PCDHA5: variants seen among roughly 807,000 people sequenced by gnomAD.
The protein encoded by PCDHA5 is protocadherin alpha 5.
A neutral mutation model predicts 61.6 loss-of-function variants in PCDHA5; 43 were observed. The ratio of observed to expected loss-of-function variants is 0.70; its 90% CI spans 0.55 to 0.90. The LOEUF is 0.90. Ranked by LOEUF, PCDHA5 falls within the 40% of genes least tolerant of loss-of-function variation. The pLI is 0.00. For synonymous variants in PCDHA5, 627 were observed against 543.9 expected (o/e 1.15, Z -2.13); for missense variants, 1,298 against 1,222.7 (o/e 1.06, Z -0.92).
At chr5:140,919,166 GT>G (rs1382267419) in intron 1 of PCDHA5, among the ~76,000 whole-genome samples, 15 of 152,114 alleles carry the variant, frequency 9.9e-5, no homozygotes, top group Admixed American at 9.8e-4. Context: ...TATGTTTTTA[GT>G]TGCTATATCT....
At chr5:140,996,275 C>T (rs534624070) in intron 3 of PCDHA5, among the ~76,000 whole-genome samples, 43 of 152,224 alleles carry the variant, frequency 2.8e-4, no homozygotes, top group African/African-American at 8.7e-4. Flanking sequence ...GGGATTGCTG[C>T]CAAATTTCAA....
At chr5:140,895,862 A>T (rs1199310977) in intron 1 of PCDHA5, among the ~76,000 whole-genome samples, 1 of 152,136 alleles carries the variant, frequency 6.6e-6, no homozygotes, top group Non-Finnish European at 1.5e-5. Context: ...CCCAGGCTGG[A>T]GTGCAATGGC....
chr5:140,954,536 T>C (rs1438016822), intron 1 of PCDHA5, among the ~76,000 whole-genome samples: 3 of 152,248 alleles, frequency 2.0e-5, no homozygotes, highest in African/African-American at 7.2e-5. Flanking sequence ...GTTGAGGTTT[T>C]TTTCATATGT....
At chr5:140,837,576 C>G (rs568317651) in intron 1 of PCDHA5, among the ~76,000 whole-genome samples, 3 of 151,836 alleles carry the variant, frequency 2.0e-5, no homozygotes, top group Non-Finnish European at 4.4e-5. Context: ...TTACAATCAC[C>G]AAATTGTAAA....
At chr5:140,873,801 C>G (rs2054500183) in intron 1 of PCDHA5, among the ~76,000 whole-genome samples, 1 of 152,180 alleles carries the variant, frequency 6.6e-6, no homozygotes, top group Non-Finnish European at 1.5e-5. Flanking sequence ...GCTGGGACTA[C>G]AGGCATGCAC....
chr5:140,933,276 G>T (rs1392004837), intron 1 of PCDHA5, among the ~76,000 whole-genome samples: 2 of 151,892 alleles, frequency 1.3e-5, no homozygotes, highest in Non-Finnish European at 2.9e-5. Context: ...TATTCATTTG[G>T]AACTTGTTTT....
At chr5:140,968,909 G>T in intron 1 of PCDHA5, 1 of 1,614,172 alleles carries the variant, frequency 6.2e-7, no homozygotes, top group East Asian at 2.2e-5. Flanking sequence ...ATTAAGCACA[G>T]TGTCTTTTAT....
chr5:140,927,093 G>T (rs781998184), intron 1 of PCDHA5: 1 of 1,612,818 alleles, frequency 6.2e-7, no homozygotes, highest in Non-Finnish European at 8.5e-7. Flanking sequence ...TCTACTTCGG[G>T]GTGGATCTAC....
intron 1 of PCDHA5, among the ~76,000 whole-genome samples, chr5:140,947,834 A>G (rs2094182215): frequency 6.6e-6 from 1 of 151,584 alleles, no homozygotes; most frequent in Non-Finnish European, 1.5e-5. Flanking sequence ...CAATATTAAT[A>G]TTTGTTTATT....
chr5:140,984,666 G>T (rs769681431), intron 3 of PCDHA5, among the ~76,000 whole-genome samples: 115 of 152,058 alleles, frequency 7.6e-4, no homozygotes, highest in Admixed American at 1.2e-3. Flanking sequence ...GTACTTTTAG[G>T]TTTTTAGGAC....
At chr5:140,883,910 A>G in intron 1 of PCDHA5, 4 of 1,613,424 alleles carry the variant, frequency 2.5e-6, no homozygotes, top group Non-Finnish European at 3.4e-6. Context: ...TCTGGGCAGC[A>G]ACGTGACGCT....
At chr5:140,943,275 AAAG>A (rs1197372058) in intron 1 of PCDHA5, among the ~76,000 whole-genome samples, 86 of 137,844 alleles carry the variant, frequency 6.2e-4, no homozygotes, top group African/African-American at 2.2e-3. Flanking sequence ...AAAAAAAAAA[AAAG>A]AAAGAAAGAA....
At position 141,003,524 on chromosome 5, in the gene PCDHA5, G is replaced by T. The variant is rs2098128799; in HGVS notation, c.2501-6103G>T. On this transcript the variant is annotated intron_variant, in intron 3 of 3. Coordinates refer to ENST00000529859, the MANE Select transcript of PCDHA5 (RefSeq NM_018908.3). ...GATGGGGTTTCACCATGTTCCCTAG[G>T]CTGGTCTTGAACTCCTGGCTTCAAG... 4.6e-5 allele frequency among the ~76,000 whole-genome samples: 7 copies of T among 152,070 alleles called. No individual in the cohort carries two copies. In the South Asian group the frequency reaches 1.5e-3, roughly 32 times the overall value.
intron 1 of PCDHA5, among the ~76,000 whole-genome samples, chr5:140,944,993 G>A (rs529303280): frequency 6.6e-5 from 10 of 152,054 alleles, no homozygotes; most frequent in African/African-American, 2.2e-4. Context: ...CTTCTGTAAC[G>A]GTTGTGGGTC....
At chr5:140,950,237 ATTTG>A (rs782102459) in intron 1 of PCDHA5, among the ~76,000 whole-genome samples, 1 of 151,954 alleles carries the variant, frequency 6.6e-6, no homozygotes, top group Non-Finnish European at 1.5e-5. Flanking sequence ...AGTGCCATTA[ATTTG>A]TTCCTAAAGA....
chr5:140,911,849 T>C (rs536574096), intron 1 of PCDHA5, among the ~76,000 whole-genome samples: 4 of 152,314 alleles, frequency 2.6e-5, no homozygotes, highest in African/African-American at 9.6e-5. Flanking sequence ...AACTCCATCC[T>C]TAATAGTCTG....
intron 3 of PCDHA5, among the ~76,000 whole-genome samples, chr5:140,990,570 C>T (rs142596715): frequency 7.2e-4 from 110 of 152,260 alleles, no homozygotes; most frequent in African/African-American, 2.4e-3. Context: ...CACACCTGTT[C>T]GATCTCTTTT....
intron 1 of PCDHA5, among the ~76,000 whole-genome samples, chr5:140,959,117 G>A (rs2095468242): frequency 6.6e-6 from 1 of 152,174 alleles, no homozygotes; most frequent in South Asian, 2.1e-4. Flanking sequence ...CCGAAGGTGG[G>A]CGAGGTGAGC....
intron 1 of PCDHA5, chr5:140,857,485 G>T (rs1554150101): frequency 6.3e-7 from 1 of 1,598,484 alleles, no homozygotes; most frequent in Admixed American, 1.7e-5. Context: ...TGTCTGCGTG[G>T]GACGCGGACG....
Sources: gnomAD v4.1 joint callset for allele counts (sites outside exome capture counted in the v4.1 genomes callset) on GRCh38, gnomAD v4.1.1 for gene constraint, MANE v1.5 for transcripts, NCBI Gene and HGNC (gene_info 2026-07-23, HGNC 2026-07-21) for gene names.